The following FRY variants were observed in gnomAD, a reference collection of about 807,000 sequenced individuals.
The protein encoded by FRY is protein furry homolog.
In FRY, 128 loss-of-function variants were observed where a neutral mutation model predicts 348.4. The observed-to-expected ratio is 0.37, with a 90% CI of 0.32 to 0.43. The LOEUF (loss-of-function observed/expected upper bound fraction) is 0.43, where lower values mean the gene tolerates loss of function less well. FRY is among the 20% of genes least tolerant of loss of function. The pLI is 1.00. For synonymous variants in FRY, 1,370 were observed against 1,374.7 expected, an observed-to-expected ratio of 1.00 and a Z score of 0.08; for missense variants, 2,736 against 3,695.2, an observed-to-expected ratio of 0.74 and a Z score of 6.73.
At chr13:32,233,932 G>T (rs1886068230) in intron 41 of FRY, among the ~76,000 whole-genome samples, 1 of 152,050 alleles carries the variant, frequency 6.6e-6, no homozygotes, top group African/African-American at 2.4e-5. Flanking sequence ...GGACCATCTT[G>T]TTCCAAAGCC....
Position 32,147,847 on chromosome 13 carries a change from T to C in FRY, c.1292T>C (p.Ile431Thr), listed in dbSNP as rs1265103414. Residue 431 changes from isoleucine to threonine, a missense_variant, in exon 13 of 61, where the codon ATA (isoleucine) becomes ACA (threonine). Ile to Thr is a moderately conservative substitution (Grantham distance 89). Around this residue, in one of 9 missense-constraint regions of FRY, gnomAD observed 191 missense variants for 370.2 expected, o/e 0.52. Coordinates refer to ENST00000542859, the MANE Select transcript of FRY (RefSeq NM_023037.3). ...ESNTATQSRL[I>T]TIITTLFPKG... ...TCCCCCTTATCTTTCAGCCGACTTA[T>C]AACCATCATCACAACACTTTTCCCC... 3.8e-6 allele frequency: 6 copies of C among 1,594,886 alleles called. No individual in the cohort carries two copies. Among genetic ancestry groups the C allele is most frequent in the Admixed American group, 3.3e-5 (2 of 59,976 alleles).
At chr13:32,251,284 C>G (rs1887067857) in intron 49 of FRY, among the ~76,000 whole-genome samples, 1 of 152,156 alleles carries the variant, frequency 6.6e-6, no homozygotes, top group Non-Finnish European at 1.5e-5. Context: ...AGGAAAGGAA[C>G]TGAATCTGTT....
At position 32,112,444 on chromosome 13, in the gene FRY, A is replaced by G. The variant is rs538269442; in HGVS notation, c.325-4890A>G. Among the ~76,000 whole-genome samples the G allele has an allele frequency of 2.6e-5, 4 of 152,212 alleles. No individual in the cohort carries two copies. In the South Asian group the frequency reaches 6.2e-4, roughly 24 times the overall value. On this transcript the variant is annotated intron_variant, in intron 3 of 60. Transcript: ENST00000542859. ...GGTGGCATGCCAAGCTTATACAGCT[A>G]TAAGAGGCAGAGTTGTAACTTGAAC...
chr13:32,244,159 A>C lies in FRY; in HGVS notation c.6805A>C (p.Lys2269Gln). 1.2e-6 allele frequency: 2 copies of C among 1,613,908 alleles called. No homozygotes were observed. The highest frequency in any genetic ancestry group is 1.7e-6 in the Non-Finnish European group (2 of 1,179,812). ...PVKQFNVEVL[K>Q]TIEKYVQSVH... ...CAAACAGTTCAATGTGGAAGTTCTG[A>C]AGACAATTGAAAAATATGTGCAAGT... Residue 2269 changes from lysine to glutamine, a missense_variant, in exon 47 of 61, where the codon AAG (lysine) becomes CAG (glutamine). Transcript: ENST00000542859.
intron 1 of FRY, among the ~76,000 whole-genome samples, chr13:32,043,814 A>G (rs1872873633): frequency 6.6e-6 from 1 of 152,240 alleles, no homozygotes; most frequent in South Asian, 2.1e-4. Flanking sequence ...ATACTCACTC[A>G]AAAAGAAATG....
chr13:32,142,351 A>G (rs17077125), intron 11 of FRY, among the ~76,000 whole-genome samples: 3,485 of 152,338 alleles, frequency 0.023, 103 homozygotes, highest in East Asian at 0.088. Flanking sequence ...TACTCCATAC[A>G]TTGCTGTGAA....
intron 54 of FRY, among the ~76,000 whole-genome samples, 165 bp downstream of exon 54, chr13:32,265,781 A>C (rs563377185): frequency 1.9e-4 from 29 of 152,334 alleles, no homozygotes; most frequent in Non-Finnish European, 2.8e-4. Context: ...GAGTCATCCA[A>C]TCCCATTATA....
chr13:32,268,505 A>AAATATAT (rs1555273232), intron 55 of FRY, among the ~76,000 whole-genome samples: 2 of 28,302 alleles, frequency 7.1e-5, no homozygotes, highest in African/African-American at 9.3e-5. Flanking sequence ...AAAAAAAAAA[A>AAATATAT]ATATATATAT....
rs542691198 is a variant in FRY, at chr13:32,238,839, A to G, written c.6419-413A>G. Among the ~76,000 whole-genome samples the G allele has an allele frequency of 3.9e-5, 6 of 152,316 alleles. No individual in the cohort carries two copies. In the South Asian group the frequency reaches 1.2e-3, roughly 32 times the overall value. ...ACAGAGAGGGACTAAGCCATTCCTT[A>G]TTTTAAAGAGTCTTTTCAATTACAT... On this transcript the variant is annotated intron_variant, in intron 44 of 60. Coordinates refer to ENST00000542859, the MANE Select transcript of FRY (RefSeq NM_023037.3).
chr13:32,201,840 T>C, intron 29 of FRY, 101 bp from the exon 30 acceptor site: 1 of 769,588 alleles, frequency 1.3e-6, no homozygotes, highest in Non-Finnish European at 2.4e-6. Flanking sequence ...CACTAATAAG[T>C]GACCGAGGTC....
intron 15 of FRY, 81 bp downstream of exon 15, chr13:32,155,743 A>T (rs1316889347): frequency 1.1e-6 from 1 of 912,634 alleles, no homozygotes; most frequent in Non-Finnish European, 1.6e-6. Flanking sequence ...AGTGAGATGC[A>T]GTTTTTAAAA....
intron 3 of FRY, among the ~76,000 whole-genome samples, chr13:32,113,300 G>A (rs1878085353): frequency 6.6e-6 from 1 of 152,128 alleles, no homozygotes. Flanking sequence ...TGAGAAGCCA[G>A]TCTTATTACT....
intron 2 of FRY, among the ~76,000 whole-genome samples, chr13:32,082,035 C>CA (rs1410123331): frequency 6.6e-6 from 1 of 152,018 alleles, no homozygotes; most frequent in Non-Finnish European, 1.5e-5. Flanking sequence ...AGGTAATTTT[C>CA]AAAAACTTGG....
chr13:32,189,301 A>G (rs1277117905), intron 28 of FRY, among the ~76,000 whole-genome samples: 1 of 152,244 alleles, frequency 6.6e-6, no homozygotes, highest in Non-Finnish European at 1.5e-5. Flanking sequence ...CAGACATGTT[A>G]TAACAAGTTA....
intron 3 of FRY, among the ~76,000 whole-genome samples, chr13:32,105,307 G>A (rs955007544): frequency 6.6e-6 from 1 of 152,212 alleles, no homozygotes; most frequent in African/African-American, 2.4e-5. Flanking sequence ...CAGTGTTCAA[G>A]GAGCCATCTT....
intron 1 of FRY, among the ~76,000 whole-genome samples, chr13:32,077,040 GT>G (rs1376264753): frequency 6.6e-6 from 1 of 152,192 alleles, no homozygotes; most frequent in African/African-American, 2.4e-5. Context: ...GAGACTAGAA[GT>G]GGCTCTGAAA....
chr13:32,139,541 A>G (rs1284690737), intron 11 of FRY, among the ~76,000 whole-genome samples: 1 of 152,266 alleles, frequency 6.6e-6, no homozygotes, highest in East Asian at 1.9e-4. Flanking sequence ...ACAAGCTCTC[A>G]GGGTCAACAC....
intron 54 of FRY, among the ~76,000 whole-genome samples, chr13:32,266,828 G>A (rs964605345): frequency 4.6e-5 from 7 of 152,120 alleles, no homozygotes; most frequent in African/African-American, 1.7e-4. Context: ...TACTAAAAAT[G>A]CAAATATTTG....
At position 32,173,372 on chromosome 13, in the gene FRY, C is replaced by T. The variant is rs1182641437; in HGVS notation, c.2157C>T (p.Ile719=). The change falls in exon 19 of 61, where the codon ATC becomes ATT. Residue 719 remains isoleucine (I), a synonymous_variant. Coordinates refer to ENST00000542859, the MANE Select transcript of FRY (RefSeq NM_023037.3). ...QANKIRNSEL[I]ANGSSHRIQS... Reference sequence around the variant, plus strand: ...TTGTTCTTATTGCATAACAGCTCATCGCAAATGGCTCCAGTCACAGAATTC... The same window carrying T: ...TTGTTCTTATTGCATAACAGCTCATTGCAAATGGCTCCAGTCACAGAATTC... 6 of 1,610,368 alleles carry T rather than the reference C, an allele frequency of 3.7e-6. No homozygotes were observed. The highest frequency in any genetic ancestry group is 1.7e-5 in the Admixed American group (1 of 59,998).
Sources: gnomAD v4.1 joint callset for allele counts (sites outside exome capture counted in the v4.1 genomes callset) on GRCh38, gnomAD v4.1.1 for gene constraint, gnomAD v4.1.1 regional missense constraint, MANE v1.5 for transcripts, NCBI Gene and HGNC (gene_info 2026-07-23, HGNC 2026-07-21) for gene names.